The following ANKRD7 variants were observed in gnomAD, a reference collection of about 807,000 sequenced individuals.
The protein encoded by ANKRD7 is ankyrin repeat domain-containing protein 7.
Under a neutral mutation model 30.8 loss-of-function variants are expected in ANKRD7, and 30 were observed. That is an observed-to-expected ratio of 0.97 (90% CI 0.73 to 1.32). The LOEUF is 1.32. ANKRD7 is among the 40% of genes most tolerant of loss of function. ANKRD7 has a pLI of 0.00. For missense variants in ANKRD7, 264 were observed against 295.7 expected, an observed-to-expected ratio of 0.89 and a Z score of 0.79; for synonymous variants, 97 against 106.6, an observed-to-expected ratio of 0.91 and a Z score of 0.55.
At chr7:118,225,349 G>C (rs960260293) in intron 1 of ANKRD7, among the ~76,000 whole-genome samples, 1 of 152,154 alleles carries the variant, frequency 6.6e-6, no homozygotes, top group East Asian at 1.9e-4. Flanking sequence ...TTAGTGGGGC[G>C]TGGTGGCGGA....
intron 3 of ANKRD7, among the ~76,000 whole-genome samples, chr7:118,235,430 G>C (rs1017032942): frequency 5.3e-5 from 8 of 151,918 alleles, no homozygotes; most frequent in Non-Finnish European, 1.0e-4. Flanking sequence ...GGCTAACGTG[G>C]TGAAACCCCG....
At chr7:118,225,320 C>G (rs1219080897) in intron 1 of ANKRD7, among the ~76,000 whole-genome samples, 1 of 152,070 alleles carries the variant, frequency 6.6e-6, no homozygotes, top group African/African-American at 2.4e-5. Flanking sequence ...AACCCCGTCT[C>G]TAACCAAAAA....
intron 5 of ANKRD7, among the ~76,000 whole-genome samples, chr7:118,237,481 C>T (rs985428399): frequency 1.1e-4 from 17 of 151,998 alleles, no homozygotes; most frequent in African/African-American, 3.6e-4. Flanking sequence ...ATGAATTTAA[C>T]TTATAGATAA....
intron 1 of ANKRD7, chr7:118,228,099 T>C: frequency 4.0e-6 from 5 of 1,244,356 alleles, no homozygotes; most frequent in South Asian, 1.4e-5. Flanking sequence ...ATTTGAAATA[T>C]TGTCTTTCAG....
intron 1 of ANKRD7, among the ~76,000 whole-genome samples, chr7:118,227,461 G>A (rs1809563904): frequency 6.6e-6 from 1 of 152,082 alleles, no homozygotes; most frequent in Non-Finnish European, 1.5e-5. Flanking sequence ...TAGTGCCTCT[G>A]GTTTTGTATT....
chr7:118,229,776 C>T (rs1056870567), intron 1 of ANKRD7, among the ~76,000 whole-genome samples: 4 of 152,012 alleles, frequency 2.6e-5, no homozygotes, highest in African/African-American at 7.2e-5. Context: ...ACACAGAAAT[C>T]ATCAACAAAA....
Position 118,237,021 on chromosome 7 carries a change from C to A in ANKRD7, c.712+95C>A. 3.1e-6 allele frequency: 4 copies of A among 1,298,460 alleles called. No homozygotes were observed. In the South Asian group the frequency reaches 4.2e-5, roughly 14 times the overall value. 80.4% of individuals were successfully genotyped at this position (1,298,460 alleles called of 1,614,324 possible). A position where few individuals can be genotyped will look rare whatever the true frequency, so the allele number is the denominator to read the frequency against. ...AAGTACAAGGCTGGAATAGGCTCAA[C>A]AGTAGGGGTAACCACATACAAATCT... On this transcript the variant is annotated intron_variant, in intron 5 of 6. Transcript: ENST00000265224.
chr7:118,235,003 AAG>A (rs1251199167), intron 3 of ANKRD7, 129 bp downstream of exon 3: 1 of 715,862 alleles, frequency 1.4e-6, no homozygotes, highest in African/African-American at 1.8e-5. Flanking sequence ...ATTGGGGAGA[AAG>A]AGAAGAGATT....
At chr7:118,231,785 C>T (rs565862697) in intron 1 of ANKRD7, among the ~76,000 whole-genome samples, 35 of 151,998 alleles carry the variant, frequency 2.3e-4, no homozygotes, top group East Asian at 1.9e-4. Context: ...ATTTTTCCAT[C>T]GATATATGAG....
rs187190527 is a variant in ANKRD7 at position 118,227,051 on chromosome 7, T to C, written c.179+2042T>C. ...ATGTTACTCTTATAGTTCCTTTGTC[T>C]TTTTCTTTCTTACTGTCTTCCTTTG... is the stretch of plus-strand genomic sequence containing the variant. On this transcript the variant is annotated intron_variant, in intron 1 of 6. Transcript: ENST00000265224. Among the ~76,000 whole-genome samples the C allele has an allele frequency of 3.9e-5, 6 of 152,268 alleles. No individual in the cohort carries two copies. The East Asian group carries it at 1.2e-3, about 29-fold the overall frequency.
intron 3 of ANKRD7, among the ~76,000 whole-genome samples, chr7:118,235,766 A>G (rs945615419): frequency 3.3e-5 from 5 of 152,208 alleles, no homozygotes; most frequent in African/African-American, 4.8e-5. Flanking sequence ...CAATGCTTAC[A>G]TTAAATGCTA....
chr7:118,242,324 A>C (rs964952970), intron 6 of ANKRD7, 25 bp from the exon 7 acceptor site: 11 of 152,226 alleles, frequency 7.2e-5, no homozygotes, highest in African/African-American at 2.4e-4. Context: ...AAGTGAAGAC[A>C]TTATAAATAT....
intron 1 of ANKRD7, chr7:118,228,030 G>A: frequency 7.7e-7 from 1 of 1,301,362 alleles, no homozygotes; most frequent in Non-Finnish European, 1.0e-6. Context: ...TCAGGGGTCA[G>A]TTTTTAGTCT....
intron 1 of ANKRD7, among the ~76,000 whole-genome samples, chr7:118,231,905 A>G (rs1052215284): frequency 1.3e-5 from 2 of 152,150 alleles, no homozygotes; most frequent in African/African-American, 4.8e-5. Context: ...ATTTCTGGTT[A>G]GATTAAGTAC....
rs754632848 is a variant in ANKRD7, at chr7:118,236,185, A to G, written c.575+38A>G. On this transcript the variant is annotated intron_variant, in intron 4 of 6. Transcript: ENST00000265224. ...AATAAGATAGCACATAACTAAAGCT[A>G]CCTGATAGGATTGTGTGTGTGCGTA... The G allele has an allele frequency of 8.9e-6, 11 of 1,238,872 alleles. No individual in the cohort carries two copies. In the East Asian group the frequency reaches 2.6e-4, roughly 29 times the overall value. The allele number at this position is 1,238,872 out of a possible 1,614,324, so 76.7% of individuals were successfully genotyped here.
At chr7:118,237,483 TATAG>T (rs1344794245) in intron 5 of ANKRD7, among the ~76,000 whole-genome samples, 2 of 152,098 alleles carry the variant, frequency 1.3e-5, no homozygotes, top group African/African-American at 2.4e-5. Flanking sequence ...GAATTTAACT[TATAG>T]ATAATTTGTA....
intron 5 of ANKRD7, among the ~76,000 whole-genome samples, chr7:118,238,174 G>C (rs554452656): frequency 4.6e-4 from 70 of 152,078 alleles, no homozygotes; most frequent in Non-Finnish European, 9.0e-4. Context: ...ATGGCTTTTA[G>C]AACAGAAAAT....
intron 3 of ANKRD7, among the ~76,000 whole-genome samples, chr7:118,235,411 G>A (rs1809710932): frequency 6.6e-6 from 1 of 152,062 alleles, no homozygotes; most frequent in Non-Finnish European, 1.5e-5. Context: ...AGGAGATCGA[G>A]ACCATCCTGG....
Position 118,234,132 on chromosome 7 carries a change from T to C in ANKRD7, c.180-299T>C, listed in dbSNP as rs756099609. Among the ~76,000 whole-genome samples the C allele has an allele frequency of 1.2e-4, 18 of 152,174 alleles. 1 individual carries two copies. The highest frequency in any genetic ancestry group is 1.9e-4 in the Non-Finnish European group (13 of 67,990). ...TAAATTTTATGGTGATACCTAACTTTATTATCTTTTCCAAGGCCCAGACAT... is the reference window on the plus strand; with the variant it reads ...TAAATTTTATGGTGATACCTAACTTCATTATCTTTTCCAAGGCCCAGACAT... On this transcript the variant is annotated intron_variant, in intron 1 of 6. Coordinates refer to ENST00000265224, the MANE Select transcript of ANKRD7 (RefSeq NM_019644.4).
Sources: gnomAD v4.1 joint callset for allele counts (sites outside exome capture counted in the v4.1 genomes callset) on GRCh38, gnomAD v4.1.1 for gene constraint, MANE v1.5 for transcripts, NCBI Gene and HGNC (gene_info 2026-07-23, HGNC 2026-07-21) for gene names.